Variants in VILL observed in about 807,000 individuals in gnomAD.
The protein encoded by VILL is villin like.
In VILL, 102 loss-of-function variants were observed where a neutral mutation model predicts 106.3. The observed-to-expected ratio is 0.96, with a 90% CI of 0.82 to 1.13. The LOEUF (loss-of-function observed/expected upper bound fraction) is 1.13. Ranked by LOEUF, VILL falls within the 50% of genes most tolerant of loss-of-function variation. VILL has a pLI of 0.00. For synonymous variants in VILL, 431 were observed against 440.3 expected (o/e 0.98, Z 0.27); for missense variants, 1,076 against 1,116.6 (o/e 0.96, Z 0.52).
intron 1 of VILL, among the ~76,000 whole-genome samples, chr3:37,991,799 G>A (rs913356778): frequency 6.6e-6 from 1 of 151,768 alleles, no homozygotes; most frequent in Non-Finnish European, 1.5e-5. Flanking sequence ...AGGGGGCACT[G>A]TGGGGGGTTC....
At chr3:38,004,549 T>G in intron 16 of VILL, 150 bp downstream of exon 16, 1 of 1,035,748 alleles carries the variant, frequency 9.7e-7, no homozygotes, top group Non-Finnish European at 1.4e-6. Context: ...TTGCGGTGCA[T>G]ATGAGACCAT....
intron 13 of VILL, 144 bp downstream of exon 13, chr3:38,002,004 G>A: frequency 7.3e-7 from 1 of 1,367,892 alleles, no homozygotes; most frequent in Non-Finnish European, 1.0e-6. Context: ...CAAGGCCCAG[G>A]AGCTCCAAGG....
intron 14 of VILL, chr3:38,002,965 G>T: frequency 1.5e-6 from 1 of 664,136 alleles, no homozygotes; most frequent in Non-Finnish European, 2.5e-6. Flanking sequence ...CCCTGCGAGG[G>T]TCCCAGACCC....
intron 2 of VILL, 73 bp from the exon 3 acceptor site, chr3:37,993,823 CCT>C (rs750627859): frequency 1.6e-4 from 256 of 1,607,538 alleles, no homozygotes; most frequent in South Asian, 1.4e-3. Flanking sequence ...CTCAGAGCGT[CCT>C]CTTCCACCCC....
rs1246879820 is a variant in VILL, at chr3:38,006,543, A to G, written c.2300A>G (p.Glu767Gly). 2 of 1,614,044 alleles carry G rather than the reference A, an allele frequency of 1.2e-6. No homozygotes were observed. Among genetic ancestry groups the G allele is most frequent in the Non-Finnish European group, 1.7e-6 (2 of 1,180,026 alleles). Residue 767 changes from glutamate to glycine, a missense_variant, in exon 19 of 20, where the codon GAG becomes GGG. Glu to Gly is a moderately conservative substitution (Grantham distance 98, BLOSUM62 -2). Transcript: ENST00000383759. ...QALKGSQDSS[E>G]NDLVRSPKSA... is the part of the protein sequence containing the mutation. ...CTCAAGGGCTCCCAGGACAGCTCAG[A>G]GAATGATCTGGTGCGAAGCCCCAAG... is the stretch of plus-strand genomic sequence containing the variant.
At chr3:38,003,067 C>T (rs1338435704) in intron 14 of VILL, 101 bp from the exon 15 acceptor site, 3 of 1,454,910 alleles carry the variant, frequency 2.1e-6, no homozygotes, top group Non-Finnish European at 2.7e-6. Flanking sequence ...CCTCCTGTGA[C>T]TTGGGCCCAG....
intron 11 of VILL, among the ~76,000 whole-genome samples, 179 bp downstream of exon 11, chr3:37,999,618 G>A (rs924900031): frequency 6.6e-6 from 1 of 152,104 alleles, no homozygotes; most frequent in Admixed American, 6.5e-5. Flanking sequence ...ACATAGTCAC[G>A]CCTAATCATA....
At chr3:37,992,672 T>C (rs1415044767) in intron 1 of VILL, among the ~76,000 whole-genome samples, 1 of 152,122 alleles carries the variant, frequency 6.6e-6, no homozygotes, top group Non-Finnish European at 1.5e-5. Context: ...CTGTGAGCTG[T>C]GACGGACCCA....
At position 37,998,770 on chromosome 3, in the gene VILL, G is replaced by T; in HGVS notation, c.943-142G>T. 1 of 1,392,004 alleles carries T rather than the reference G, an allele frequency of 7.2e-7. No individual in the cohort carries two copies. The highest frequency in any genetic ancestry group is 9.4e-7 in the Non-Finnish European group (1 of 1,060,222). 86.2% of individuals were successfully genotyped at this position (1,392,004 alleles called of 1,614,324 possible). The stretch of plus-strand genomic sequence containing the variant: ...GACCTCAGAGAAGTCGGTGGTGACA[G>T]AGTCAATTCGCTAAGTGGGTCATGA... On this transcript the variant is annotated intron_variant, in intron 9 of 19. Coordinates refer to ENST00000383759, the MANE Select transcript of VILL (RefSeq NM_015873.4). The surrounding 1 kb of genome is among the most constrained non-coding windows in gnomAD (Gnocchi z 4.1).
intron 2 of VILL, 66 bp from the exon 3 acceptor site, chr3:37,993,831 AC>A: frequency 6.2e-7 from 1 of 1,607,222 alleles, no homozygotes; most frequent in South Asian, 1.1e-5. Flanking sequence ...GTCCTCTTCC[AC>A]CCCACCCCAG....
chr3:38,006,914 TG>T, intron 19 of VILL, 27 bp from the exon 20 acceptor site: 1 of 1,596,742 alleles, frequency 6.3e-7, no homozygotes, highest in Non-Finnish European at 8.6e-7. Flanking sequence ...CACCCTACCC[TG>T]TACCTCCCCC....
At chr3:38,000,983 G>A (rs906382306) in intron 11 of VILL, 1 of 457,954 alleles carries the variant, frequency 2.2e-6, no homozygotes, top group Middle Eastern at 3.2e-4. Flanking sequence ...ACAGGAAGAA[G>A]AAACTACACT....
chr3:37,995,296 A>T (rs1699680561), intron 4 of VILL, among the ~76,000 whole-genome samples: 1 of 152,266 alleles, frequency 6.6e-6, no homozygotes, highest in Non-Finnish European at 1.5e-5. Context: ...TATAGCATAT[A>T]CATGAACACA....
upstream of VILL, among the ~76,000 whole-genome samples, chr3:37,989,632 T>C (rs557927947): frequency 4.1e-4 from 62 of 151,756 alleles, no homozygotes; most frequent in Non-Finnish European, 6.3e-4. Flanking sequence ...TGGGAAGAAG[T>C]GAGGACACAG....
At chr3:37,995,642 A>T in intron 4 of VILL, 97 bp from the exon 5 acceptor site, 1 of 961,360 alleles carries the variant, frequency 1.0e-6, no homozygotes, top group Non-Finnish European at 1.6e-6. Context: ...GCAGGCACAT[A>T]CGTGCACGTG....
intron 15 of VILL, chr3:38,004,008 C>G: frequency 2.3e-6 from 1 of 442,312 alleles, no homozygotes. Context: ...CTGCAGCCCT[C>G]TCCTAGGGAA....
chr3:37,997,391 A>C lies in VILL; in HGVS notation c.562-92A>C. ...TGAGGGGACATCAGCCCTTCTCCCCATCAGCCTCTGGGAGCTGAGCAGTGA... is the reference window on the plus strand; with the variant it reads ...TGAGGGGACATCAGCCCTTCTCCCCCTCAGCCTCTGGGAGCTGAGCAGTGA... On this transcript the variant is annotated intron_variant, in intron 6 of 19. Transcript: ENST00000383759. This position sits in a 1 kb window ranked among gnomAD's most constrained non-coding sequence, Gnocchi z 4.7. 5 of 1,417,600 alleles carry C rather than the reference A, an allele frequency of 3.5e-6. No individual in the cohort carries two copies. In the South Asian group the frequency reaches 6.1e-5, roughly 17 times the overall value. The allele number at this position is 1,417,600 out of a possible 1,614,324, so 87.8% of individuals were successfully genotyped here.
Position 37,997,638 on chromosome 3 carries a change from C to T in VILL, c.717C>T (p.Pro239=). The change falls in exon 7 of 20, where the codon CCC becomes CCT. Residue 239 remains proline, a synonymous_variant. Transcript: ENST00000383759. This position sits in a 1 kb window ranked among gnomAD's most constrained non-coding sequence, Gnocchi z 4.7. ...RRVGSLRAAT[P]SKDINQLQKA... is the part of the protein sequence containing the mutation. ...TGGGCAGCCTGCGTGCCGCCACGCC[C>T]AGCAAGGATATCAACCAGCTGCAGA... The T allele has an allele frequency of 6.2e-7, 1 of 1,610,102 alleles. No homozygotes were observed. The highest frequency in any genetic ancestry group is 8.5e-7 in the Non-Finnish European group (1 of 1,178,528).
In VILL at chr3:38,006,632, C is replaced by T. The variant is rs760170192; in HGVS notation, c.2389C>T (p.Arg797Cys). The T allele has an allele frequency of 3.1e-6, 5 of 1,613,834 alleles. No homozygotes were observed. The highest frequency in any genetic ancestry group is 3.4e-4 in the Middle Eastern group (2 of 5,908). ...CAGCGCCACGATCAACGGGGGCCTG[C>T]GCCGGGAACAACTGATGCACCAGGC... ...STSATINGGLRREQLMHQAVE... is the reference protein window; with the variant it reads ...STSATINGGLCREQLMHQAVE... Residue 797 changes from arginine (R) to cysteine (C), a missense_variant, in exon 19 of 20, where the codon CGC (arginine) becomes TGC (cysteine). Arg to Cys is a radical substitution (Grantham distance 180). Coordinates refer to ENST00000383759, the MANE Select transcript of VILL (RefSeq NM_015873.4).
Sources: allele counts gnomAD v4.1 joint callset (sites outside exome capture counted in the v4.1 genomes callset), GRCh38; gene constraint gnomAD v4.1.1; non-coding constraint Gnocchi (gnomAD v3.1); transcripts MANE v1.5; gene names NCBI Gene and HGNC (gene_info 2026-07-23, HGNC 2026-07-21).